ZNF100: variants seen among roughly 807,000 people sequenced by gnomAD.
ZNF100 encodes zinc finger protein 100, also known as zinc finger protein 100 (Y1).
In ZNF100, 12 loss-of-function variants were observed where a neutral mutation model predicts 15.8. That is an observed-to-expected ratio of 0.76 (90% CI 0.49 to 1.23). The LOEUF (loss-of-function observed/expected upper bound fraction) is 1.23. Ranked by LOEUF, ZNF100 falls within the 50% of genes most tolerant of loss-of-function variation. The probability of loss-of-function intolerance (pLI) is 0.00; values close to 1 mark genes in which losing one functional copy is unlikely to be tolerated. For missense variants in ZNF100, 670 were observed against 635.6 expected, an observed-to-expected ratio of 1.05 and a Z score of -0.58; for synonymous variants, 226 against 214.8, an observed-to-expected ratio of 1.05 and a Z score of -0.45.
Position 21,750,306 on chromosome 19 carries a change from C to T in ZNF100, c.97-5239G>A, listed in dbSNP as rs1252903535. On this transcript the variant is annotated intron_variant, in intron 2 of 4. Coordinates refer to ENST00000358296, the MANE Select transcript of ZNF100 (RefSeq NM_173531.4). ...GCTGGTACCACTTCTAATATTATTTCAAAATATTGAGAAAAAGGGACTTCT... is the reference window on the plus strand; with the variant it reads ...GCTGGTACCACTTCTAATATTATTTTAAAATATTGAGAAAAAGGGACTTCT... Among the ~76,000 whole-genome samples the T allele has an allele frequency of 6.6e-5, 10 of 152,172 alleles. No individual in the cohort carries two copies. In the East Asian group the frequency reaches 1.7e-3, roughly 26 times the overall value.
chr19:21,755,902 G>C (rs2036385686), intron 2 of ZNF100, among the ~76,000 whole-genome samples: 1 of 152,134 alleles, frequency 6.6e-6, no homozygotes, highest in African/African-American at 2.4e-5. Flanking sequence ...TGGACACAGA[G>C]AGGGAAACTA....
intron 4 of ZNF100, among the ~76,000 whole-genome samples, chr19:21,728,566 A>G (rs2035856640): frequency 6.6e-6 from 1 of 152,114 alleles, no homozygotes; most frequent in South Asian, 2.1e-4. Context: ...AACTCCTTTA[A>G]CTAAAAGAGA....
At chr19:21,743,525 T>G (rs2036156011) in intron 4 of ZNF100, among the ~76,000 whole-genome samples, 2 of 152,126 alleles carry the variant, frequency 1.3e-5, no homozygotes, top group African/African-American at 4.8e-5. Flanking sequence ...GTTCTAACTA[T>G]ATTTCAAGAA....
In ZNF100 at chr19:21,755,671, T is replaced by C. The variant is rs191635588; in HGVS notation, c.96+10023A>G. 3.1e-3 allele frequency among the ~76,000 whole-genome samples: 470 copies of C among 152,122 alleles called. 1 individual carries two copies. The highest frequency in any genetic ancestry group is 5.0e-3 in the Non-Finnish European group (340 of 67,988). ...AGCACTATTTACAATAACAAAGACA[T>C]GGAGCCAACCCAAATGCCCATCAAT... On this transcript the variant is annotated intron_variant, in intron 2 of 4. Coordinates refer to ENST00000358296, the MANE Select transcript of ZNF100 (RefSeq NM_173531.4).
At chr19:21,749,105 A>T (rs1230323767) in intron 2 of ZNF100, among the ~76,000 whole-genome samples, 2 of 152,158 alleles carry the variant, frequency 1.3e-5, no homozygotes, top group Admixed American at 1.3e-4. Context: ...GTCTAGAGCA[A>T]AAGTTTCTGG....
At chr19:21,753,389 C>T (rs2145733261) in intron 2 of ZNF100, 1 of 152,022 alleles carries the variant, frequency 6.6e-6, no homozygotes, top group South Asian at 2.1e-4. Context: ...GTCTAGTCAA[C>T]ACAGTGAGCC....
chr19:21,763,594 G>A (rs578187363), intron 2 of ZNF100, among the ~76,000 whole-genome samples: 83 of 152,040 alleles, frequency 5.5e-4, no homozygotes, highest in African/African-American at 1.5e-3. Context: ...ATCCCGGGGG[G>A]AAAAAAATCA....
intron 2 of ZNF100, among the ~76,000 whole-genome samples, chr19:21,747,386 T>C (rs377378233): frequency 6.6e-6 from 1 of 152,206 alleles, no homozygotes; most frequent in East Asian, 1.9e-4. Context: ...GTGATCTTAA[T>C]GAGAAGCCTG....
At chr19:21,765,662 G>A in intron 2 of ZNF100, 32 bp downstream of exon 2, 1 of 1,590,602 alleles carries the variant, frequency 6.3e-7, no homozygotes, top group South Asian at 1.1e-5. Flanking sequence ...GCTGGGTTGG[G>A]TGAAGACAAT....
intron 2 of ZNF100, among the ~76,000 whole-genome samples, chr19:21,758,293 C>T (rs1175791492): frequency 1.3e-5 from 2 of 150,658 alleles, no homozygotes; most frequent in Non-Finnish European, 3.0e-5. Flanking sequence ...GATGAAAGGA[C>T]AAAGAGGATC....
At chr19:21,728,107 C>CA in intron 4 of ZNF100, 118 bp from the exon 5 acceptor site, 1 of 907,566 alleles carries the variant, frequency 1.1e-6, no homozygotes, top group South Asian at 3.7e-5. Context: ...CAAAGGCCCT[C>CA]ATTCCTTTAT....
intron 4 of ZNF100, among the ~76,000 whole-genome samples, chr19:21,735,322 G>A (rs1233371565): frequency 4.6e-5 from 7 of 151,940 alleles, no homozygotes; most frequent in Admixed American, 2.6e-4. Context: ...GTGAAACCCC[G>A]TCTCTACTAA....
Position 21,726,716 on chromosome 19 carries a change from ATT to A in ZNF100, c.1594_1595del (p.Asn532Ter). On this transcript the variant is annotated frameshift_variant, in exon 5 of 5. Coordinates refer to ENST00000358296, the MANE Select transcript of ZNF100 (RefSeq NM_173531.4). LOFTEE classifies it high-confidence loss of function. ...GTAGGGTTTCTCTCCAGTATGAGTT[ATT>A]TTGTTTAATAAGGCTTAGGGACTGG... ...FNQSLSLIKQ[N>X]NSYWRETLQM 2 of 1,608,150 alleles carry A rather than the reference ATT, an allele frequency of 1.2e-6. No individual in the cohort carries two copies. Among genetic ancestry groups the A allele is most frequent in the Non-Finnish European group, 1.7e-6 (2 of 1,177,694 alleles).
chr19:21,731,578 A>G (rs1195964552), intron 4 of ZNF100, among the ~76,000 whole-genome samples: 1 of 152,164 alleles, frequency 6.6e-6, no homozygotes, highest in Non-Finnish European at 1.5e-5. Context: ...AAGTGCTGGG[A>G]TTACAGGCAT....
rs2035841404 is a variant in ZNF100 at position 21,727,896 on chromosome 19, C to T, written c.416G>A (p.Gly139Glu). ...EAILKKYGKY[G>E]HDNLQLQKGC... is the part of the protein sequence containing the mutation. ...TTTTTGTAACTGTAAATTGTCATGT[C>T]CATATTTTCCATATTTTTTCAGAAT... Residue 139 changes from glycine (G) to glutamate (E), a missense_variant, in exon 5 of 5, where the codon GGA (glycine) becomes GAA (glutamate). Transcript: ENST00000358296. The T allele has an allele frequency of 6.2e-7, 1 of 1,601,300 alleles. No homozygotes were observed. Among genetic ancestry groups the T allele is most frequent in the Non-Finnish European group, 8.5e-7 (1 of 1,175,698 alleles).
chr19:21,742,266 C>G (rs1416227719), intron 4 of ZNF100, among the ~76,000 whole-genome samples: 12 of 146,584 alleles, frequency 8.2e-5, no homozygotes, highest in Non-Finnish European at 1.5e-5. Flanking sequence ...TATTGCACTC[C>G]AGCCTCGGCG....
intron 3 of ZNF100, among the ~76,000 whole-genome samples, chr19:21,744,455 C>T (rs1387958002): frequency 1.3e-5 from 2 of 152,134 alleles, no homozygotes; most frequent in Non-Finnish European, 2.9e-5. Flanking sequence ...TCACTACAAC[C>T]TCCACCTCCT....
At chr19:21,765,813 G>T (rs373709781) in intron 1 of ZNF100, 27 bp from the exon 2 acceptor site, 1 of 1,603,606 alleles carries the variant, frequency 6.2e-7, no homozygotes, top group South Asian at 1.1e-5. Context: ...ACCAGAAGCT[G>T]ACATTCACTA....
rs2035769304 is a variant in ZNF100, at chr19:21,725,750, A to C, written c.*933T>G. On this transcript the variant is annotated 3_prime_UTR_variant, in exon 5 of 5. Transcript: ENST00000358296. ...AAAAAATTTCTACTTTTAAAGTTAT[A>C]TACAAATATTTTACCAATTTTAGTT... The C allele has an allele frequency of 6.6e-6, 1 of 152,204 alleles. No individual in the cohort carries two copies. Among genetic ancestry groups the C allele is most frequent in the South Asian group, 2.1e-4 (1 of 4,834 alleles). 9.4% of individuals were successfully genotyped at this position (152,204 alleles called of 1,614,324 possible).
Sources: allele counts gnomAD v4.1 joint callset (sites outside exome capture counted in the v4.1 genomes callset), GRCh38; gene constraint gnomAD v4.1.1; transcripts MANE v1.5; gene names NCBI Gene and HGNC (gene_info 2026-07-23, HGNC 2026-07-21).